The following EPB41 variants were observed in gnomAD, a reference collection of about 807,000 sequenced individuals.
EPB41 encodes the protein erythrocyte membrane protein band 4.1.
Under a neutral mutation model 108.0 loss-of-function variants are expected in EPB41, and 65 were observed. The ratio of observed to expected loss-of-function variants is 0.60; its 90% confidence interval spans 0.49 to 0.74. The LOEUF is 0.74. EPB41 is among the 30% of genes least tolerant of loss of function. The pLI is 0.00. For synonymous variants in EPB41, 336 were observed against 358.9 expected (o/e 0.94, Z 0.72); for missense variants, 875 against 1,037.0 (o/e 0.84, Z 2.15).
rs773263845 is a variant in EPB41 at position 29,070,439 on chromosome 1, C to A, written c.2184+5281C>A. 1.1e-3 allele frequency: 1,406 copies of A among 1,231,976 alleles called. 3 individuals carry two copies. Among genetic ancestry groups the A allele is most frequent in the Non-Finnish European group, 1.3e-3 (1,325 of 987,948 alleles). The allele number at this position is 1,231,976 out of a possible 1,614,324, so 76.3% of individuals were successfully genotyped here. ...AGAAAGATCTACTGAAAGAGCCTTG[C>A]CCCAGCAAGAAAATGAAGAAATTCT... On this transcript the variant is annotated intron_variant, in intron 16 of 20. Coordinates refer to ENST00000343067, the MANE Select transcript of EPB41 (RefSeq NM_001376013.1).
At chr1:28,907,676 G>A (rs2091940726) in intron 1 of EPB41, among the ~76,000 whole-genome samples, 2 of 151,762 alleles carry the variant, frequency 1.3e-5, no homozygotes, top group African/African-American at 2.4e-5. Context: ...GTGGTAGTGC[G>A]ATCATGGCTC....
intron 8 of EPB41, among the ~76,000 whole-genome samples, chr1:29,032,630 T>C (rs1179613975): frequency 6.6e-6 from 1 of 152,224 alleles, no homozygotes; most frequent in Non-Finnish European, 1.5e-5. Flanking sequence ...TATTACATAT[T>C]TAATTTTTTA....
intron 19 of EPB41, among the ~76,000 whole-genome samples, chr1:29,112,689 G>T (rs1669586166): frequency 6.6e-6 from 1 of 152,166 alleles, no homozygotes; most frequent in South Asian, 2.1e-4. Context: ...TGATTCAATT[G>T]CTGGTTCTTA....
At chr1:28,919,429 TC>T (rs2092913100) in intron 1 of EPB41, among the ~76,000 whole-genome samples, 1 of 151,934 alleles carries the variant, frequency 6.6e-6, no homozygotes, top group Non-Finnish European at 1.5e-5. Flanking sequence ...ATTCTGTCTC[TC>T]CTTCCAGTCA....
In EPB41 at chr1:29,058,799, A is replaced by G. The variant is rs750842863; in HGVS notation, c.1903-12A>G. 1.9e-6 allele frequency: 3 copies of G among 1,542,196 alleles called. No homozygotes were observed. The highest frequency in any genetic ancestry group is 2.6e-6 in the Non-Finnish European group (3 of 1,144,132). On this transcript the variant is annotated splice_polypyrimidine_tract_variant and intron_variant, in intron 13 of 20. Transcript: ENST00000343067. ...ATCATTTTTCTTTCTTTTTTAAATT[A>G]TGGCAAAACAGAAGCTTGCAGAAAA...
intron 5 of EPB41, 96 bp downstream of exon 5, chr1:29,012,003 C>T: frequency 7.8e-7 from 1 of 1,286,978 alleles, no homozygotes; most frequent in Non-Finnish European, 1.1e-6. Context: ...ACTTTAGAAT[C>T]CTGACTACTG....
chr1:28,910,644 CCTAATTTCACCAT>C (rs1406534768), upstream of EPB41, among the ~76,000 whole-genome samples: 1 of 152,302 alleles, frequency 6.6e-6, no homozygotes, highest in South Asian at 2.1e-4. Flanking sequence ...CTGGTCACCA[CCTAATTTCACCAT>C]CTAATTTCAC....
chr1:28,933,596 A>G (rs1489732066), intron 1 of EPB41, among the ~76,000 whole-genome samples: 1 of 152,180 alleles, frequency 6.6e-6, no homozygotes, highest in Non-Finnish European at 1.5e-5. Flanking sequence ...TTTAGTGGTT[A>G]TGTCTTCCTT....
At chr1:29,108,512 A>G (rs919866686) in intron 17 of EPB41, among the ~76,000 whole-genome samples, 1 of 150,862 alleles carries the variant, frequency 6.6e-6, no homozygotes, top group African/African-American at 2.4e-5. Flanking sequence ...TACCCATCCA[A>G]CTTTCTTAGA....
chr1:28,888,100 GGGA>G (rs1289338838), intron 1 of EPB41, among the ~76,000 whole-genome samples: 1 of 152,224 alleles, frequency 6.6e-6, no homozygotes, highest in Non-Finnish European at 1.5e-5. Flanking sequence ...TCCAGGAGTG[GGGA>G]GGAGAGAGGA....
intron 15 of EPB41, among the ~76,000 whole-genome samples, chr1:29,061,800 A>C (rs1646624865): frequency 6.6e-6 from 1 of 150,820 alleles, no homozygotes; most frequent in Non-Finnish European, 1.5e-5. Context: ...GGCTGGTCTT[A>C]AACTCCTGGA....
intron 16 of EPB41, chr1:29,071,558 C>T (rs2151109989): frequency 6.6e-6 from 1 of 152,232 alleles, no homozygotes; most frequent in East Asian, 1.9e-4. Context: ...TACTTCAGAC[C>T]TGTTTGTTCG....
chr1:28,972,969 T>C (rs532496734), intron 1 of EPB41, among the ~76,000 whole-genome samples: 1 of 152,168 alleles, frequency 6.6e-6, no homozygotes, highest in Non-Finnish European at 1.5e-5. Context: ...AGAAACTCTT[T>C]TGTAAATTTT....
chr1:28,982,513 G>A (rs990726254), intron 1 of EPB41: 6 of 946,894 alleles, frequency 6.3e-6, no homozygotes, highest in Admixed American at 1.7e-5. Context: ...GCAATCTGAG[G>A]TGCTATCATC....
At chr1:28,892,864 T>G (rs2090280431) in intron 1 of EPB41, among the ~76,000 whole-genome samples, 1 of 138,532 alleles carries the variant, frequency 7.2e-6, no homozygotes, top group Admixed American at 7.8e-5. Flanking sequence ...AGTGTAGTGG[T>G]GCGATCTTGG....
chr1:29,094,799 T>G (rs1268565915), intron 16 of EPB41, among the ~76,000 whole-genome samples: 1 of 152,146 alleles, frequency 6.6e-6, no homozygotes, highest in African/African-American at 2.4e-5. Context: ...TCTTCCACAT[T>G]CTCTTCCATG....
At chr1:28,912,354 G>A (rs1311070088), upstream of EPB41, among the ~76,000 whole-genome samples, 1 of 152,150 alleles carries the variant, frequency 6.6e-6, no homozygotes, top group Non-Finnish European at 1.5e-5. Context: ...GGGTGTTTGA[G>A]TGGAGGGTGT....
At chr1:28,904,666 G>A (rs550725289) in intron 1 of EPB41, among the ~76,000 whole-genome samples, 2 of 152,224 alleles carry the variant, frequency 1.3e-5, no homozygotes, top group African/African-American at 4.8e-5. Context: ...GGGAGGCGGA[G>A]GCGGGTGGAT....
At chr1:29,093,129 C>G (rs1661918810) in intron 16 of EPB41, among the ~76,000 whole-genome samples, 1 of 152,234 alleles carries the variant, frequency 6.6e-6, no homozygotes, top group African/African-American at 2.4e-5. Flanking sequence ...AATCACCACA[C>G]TGCTTTCCAC....
Sources: gnomAD v4.1 joint callset for allele counts (sites outside exome capture counted in the v4.1 genomes callset) on GRCh38, gnomAD v4.1.1 for gene constraint, MANE v1.5 for transcripts, NCBI Gene and HGNC (gene_info 2026-07-23, HGNC 2026-07-21) for gene names.